The following AK8 variants were observed in gnomAD, a reference collection of about 807,000 sequenced individuals.
AK8 encodes ATP-AMP transphosphorylase 8.
Under a neutral mutation model 54.6 loss-of-function variants are expected in AK8, and 44 were observed. The observed-to-expected ratio is 0.81, with a 90% CI of 0.63 to 1.04. The LOEUF is 1.04. AK8 is among the 50% of genes least tolerant of loss of function. AK8 has a pLI of 0.00. For missense variants in AK8, 555 were observed against 613.6 expected (o/e 0.90, Z 1.01); for synonymous variants, 239 against 245.6 (o/e 0.97, Z 0.25).
At chr9:132,814,601 C>T (rs1841231791) in intron 10 of AK8, 37 bp downstream of exon 10, 3 of 1,592,196 alleles carry the variant, frequency 1.9e-6, no homozygotes, top group Non-Finnish European at 2.6e-6. Context: ...TCTCTGGAGC[C>T]TGTAAGGTCA....
chr9:132,744,494 G>T (rs1837546691), intron 11 of AK8, among the ~76,000 whole-genome samples: 2 of 152,002 alleles, frequency 1.3e-5, no homozygotes, highest in South Asian at 4.2e-4. Flanking sequence ...GATCACGCAG[G>T]TGTCAAAGAG....
At chr9:132,794,314 C>T (rs984086728) in intron 10 of AK8, among the ~76,000 whole-genome samples, 3 of 152,212 alleles carry the variant, frequency 2.0e-5, no homozygotes, top group Non-Finnish European at 4.4e-5. Context: ...GAGCAGTCTC[C>T]TTTCCAAGGC....
At chr9:132,856,464 C>G (rs758819433) in intron 4 of AK8, among the ~76,000 whole-genome samples, 49 of 152,344 alleles carry the variant, frequency 3.2e-4, no homozygotes, top group Non-Finnish European at 5.7e-4. Context: ...ATACACTCCA[C>G]TTACAGTAAC....
chr9:132,820,406 T>C lies in AK8; in HGVS notation c.889+2799A>G, dbSNP rs566391518. On this transcript the variant is annotated intron_variant, in intron 9 of 12. Coordinates refer to ENST00000298545, the MANE Select transcript of AK8 (RefSeq NM_152572.3). ...CTTATTTAGCCATGTATCACTGACA[T>C]CAAATCACTTTACAGGTTTATTTTT... Among the ~76,000 whole-genome samples, 11 of 152,298 alleles carry C rather than the reference T, an allele frequency of 7.2e-5. No homozygotes were observed. In the South Asian group the frequency reaches 1.2e-3, roughly 17 times the overall value.
intron 4 of AK8, among the ~76,000 whole-genome samples, chr9:132,857,072 C>A (rs916131556): frequency 1.3e-5 from 2 of 152,072 alleles, no homozygotes; most frequent in Non-Finnish European, 2.9e-5. Context: ...AAGAAGGAGG[C>A]GAGCCAGCAT....
intron 11 of AK8, among the ~76,000 whole-genome samples, chr9:132,789,597 C>CAA (rs578003731): frequency 0.024 from 1,353 of 57,408 alleles, 97 homozygotes; most frequent in Non-Finnish European, 0.027. Context: ...ACTCATCTCA[C>CAA]AAAAAAAAAA....
At chr9:132,750,718 G>A (rs1837880423) in intron 11 of AK8, among the ~76,000 whole-genome samples, 1 of 151,984 alleles carries the variant, frequency 6.6e-6, no homozygotes, top group African/African-American at 2.4e-5. Flanking sequence ...AGCAACTTCA[G>A]AGAGAAGCTC....
Position 132,875,155 on chromosome 9 carries a change from GA to G in AK8, c.128del (p.Ile43ThrfsTer4), listed in dbSNP as rs750072243. 59 of 1,614,068 alleles carry G rather than the reference GA, an allele frequency of 3.7e-5. No individual in the cohort carries two copies. Among genetic ancestry groups the G allele is most frequent in the Non-Finnish European group, 5.0e-5 (59 of 1,180,034 alleles). Reference protein sequence around the residue: ...QLLIHQPEDPIPFMIQHLHRD... With the variant: ...QLLIHQPEDPXPFMIQHLHRD... ...TATGCAAGTGCTGGATCATGAAGGG[GA>G]TGGGATCTTCGGGCTGGTGGATCAG... On this transcript the variant is annotated frameshift_variant, in exon 2 of 13. Coordinates refer to ENST00000298545, the MANE Select transcript of AK8 (RefSeq NM_152572.3). LOFTEE classifies it high-confidence loss of function.
rs566559132 is a variant in AK8 at position 132,863,888 on chromosome 9, G to A, written c.220-110C>T. 2.9e-5 allele frequency: 24 copies of A among 822,146 alleles called. No homozygotes were observed. In the Admixed American group the frequency reaches 4.5e-4, roughly 15 times the overall value. 50.9% of individuals were successfully genotyped at this position (822,146 alleles called of 1,614,324 possible). A position where few individuals can be genotyped will look rare whatever the true frequency, so the allele number is the denominator to read the frequency against. On this transcript the variant is annotated intron_variant, in intron 3 of 12. Coordinates refer to ENST00000298545, the MANE Select transcript of AK8 (RefSeq NM_152572.3). ...TCTCCTATGGGAAAAGGTTGGCCAT[G>A]GGGAAGCACAATTATTTCCAGCTGG...
At position 132,826,729 on chromosome 9, in the gene AK8, C is replaced by T. The variant is rs1023917326; in HGVS notation, c.757+125G>A. 1.8e-6 allele frequency: 2 copies of T among 1,142,840 alleles called. No individual in the cohort carries two copies. Among genetic ancestry groups the T allele is most frequent in the Non-Finnish European group, 2.5e-6 (2 of 800,204 alleles). The allele number at this position is 1,142,840 out of a possible 1,614,324, so 70.8% of individuals were successfully genotyped here. ...GGAACCCGGGTCATCTATGTCTTGA[C>T]TTCCAGGGTCCCAGGCATGTCCCAG... On this transcript the variant is annotated intron_variant, in intron 8 of 12. Transcript: ENST00000298545. This position sits in a 1 kb window ranked among gnomAD's most constrained non-coding sequence, Gnocchi z 4.5.
intron 1 of AK8, chr9:132,877,863 C>A (rs777271400): frequency 2.0e-4 from 124 of 632,412 alleles, no homozygotes; most frequent in African/African-American, 1.7e-3. Flanking sequence ...GTGGGGAAAC[C>A]GAGAAAAGGA....
chr9:132,729,986 C>T (rs950897108), intron 11 of AK8, among the ~76,000 whole-genome samples: 2 of 152,194 alleles, frequency 1.3e-5, no homozygotes, highest in South Asian at 2.1e-4. Flanking sequence ...ATGTGGAGAT[C>T]CTGAAAGCCG....
chr9:132,778,662 C>T lies in AK8; in HGVS notation c.1121+13972G>A, dbSNP rs547154633. On this transcript the variant is annotated intron_variant, in intron 11 of 12. Coordinates refer to ENST00000298545, the MANE Select transcript of AK8 (RefSeq NM_152572.3). ...TTGTCCCCCAAAAGAAATTGTCATACGGAAATAAATTACATCAAATTAGGG... is the reference window on the plus strand; with the variant it reads ...TTGTCCCCCAAAAGAAATTGTCATATGGAAATAAATTACATCAAATTAGGG... Among the ~76,000 whole-genome samples the T allele has an allele frequency of 8.5e-5, 13 of 152,218 alleles. No homozygotes were observed. In the South Asian group the frequency reaches 1.5e-3, roughly 17 times the overall value.
intron 10 of AK8, among the ~76,000 whole-genome samples, chr9:132,797,244 A>G (rs966802530): frequency 1.3e-5 from 2 of 151,578 alleles, no homozygotes; most frequent in Non-Finnish European, 2.9e-5. Context: ...GCTCATTGCT[A>G]TACCCCAGCA....
intron 7 of AK8, 91 bp from the exon 8 acceptor site, chr9:132,827,145 GC>G: frequency 7.4e-7 from 1 of 1,343,396 alleles, no homozygotes; most frequent in Non-Finnish European, 1.1e-6. Flanking sequence ...TGTCCTGGAG[GC>G]CAGGCCCTAC....
At chr9:132,729,258 T>C (rs1836718016) in intron 11 of AK8, among the ~76,000 whole-genome samples, 1 of 152,210 alleles carries the variant, frequency 6.6e-6, no homozygotes, top group South Asian at 2.1e-4. Context: ...GCAAAATGTC[T>C]GGAGACATGT....
At chr9:132,759,999 A>G (rs1241214108) in intron 11 of AK8, among the ~76,000 whole-genome samples, 1 of 152,182 alleles carries the variant, frequency 6.6e-6, no homozygotes, top group Non-Finnish European at 1.5e-5. Flanking sequence ...CACTGGATCT[A>G]TGATCAATTT....
At position 132,739,441 on chromosome 9, in the gene AK8, C is replaced by CAAAAAAAAAAA. The variant is rs768297504; in HGVS notation, c.1122-11918_1122-11908dup. 9.6e-5 allele frequency among the ~76,000 whole-genome samples: 3 copies of CAAAAAAAAAAA among 31,170 alleles called. 1 individual carries two copies. The highest frequency in any genetic ancestry group is 4.3e-4 in the African/African-American group (3 of 6,916). 20.4% of individuals were successfully genotyped at this position (31,170 alleles called of 152,430 possible). A position where few individuals can be genotyped will look rare whatever the true frequency, so the allele number is the denominator to read the frequency against. On this transcript the variant is annotated intron_variant, in intron 11 of 12. Transcript: ENST00000298545. ...TGGGCAACAGAGAGTGACTCTGTCT[C>CAAAAAAAAAAA]AAAAAAAAAAAAAAAAAAAAAAAAA...
At chr9:132,749,432 G>A (rs138113349) in intron 11 of AK8, among the ~76,000 whole-genome samples, 1,906 of 152,048 alleles carry the variant, frequency 0.013, 152 homozygotes, top group Admixed American at 0.11. Flanking sequence ...CCCCTCGTAA[G>A]GTGTGCTGGC....
Sources: allele counts gnomAD v4.1 joint callset (sites outside exome capture counted in the v4.1 genomes callset), GRCh38; gene constraint gnomAD v4.1.1; non-coding constraint Gnocchi (gnomAD v3.1); transcripts MANE v1.5; gene names NCBI Gene and HGNC (gene_info 2026-07-23, HGNC 2026-07-21).